Variants in SH3PXD2A observed in about 807,000 individuals in gnomAD.
SH3PXD2A encodes the protein SH3 and PX domains 2A, also known as SH3 and PX domain-containing protein 2A.
SH3PXD2A carries 32 observed loss-of-function variants against 115.2 expected under a neutral mutation model. The ratio of observed to expected loss-of-function variants is 0.28; its 90% CI spans 0.21 to 0.37. The LOEUF (loss-of-function observed/expected upper bound fraction) is 0.37. Ranked by LOEUF, SH3PXD2A falls within the 10% of genes least tolerant of loss-of-function variation. The pLI is 1.00. For synonymous variants in SH3PXD2A, 610 were observed against 629.1 expected (o/e 0.97, Z 0.45); for missense variants, 1,328 against 1,498.7 (o/e 0.89, Z 1.88).
intron 3 of SH3PXD2A, among the ~76,000 whole-genome samples, chr10:103,760,662 G>A (rs1293549330): frequency 6.6e-6 from 1 of 151,404 alleles, no homozygotes; most frequent in Non-Finnish European, 1.5e-5. Context: ...ATATGTATAT[G>A]TAACGAGGGA....
chr10:103,633,226 G>A (rs751952724), intron 8 of SH3PXD2A, among the ~76,000 whole-genome samples: 5 of 152,148 alleles, frequency 3.3e-5, no homozygotes, highest in Non-Finnish European at 5.9e-5. Context: ...GACCAGCCTG[G>A]CCAACACAGT....
At chr10:103,671,786 G>A (rs1280112112) in intron 6 of SH3PXD2A, among the ~76,000 whole-genome samples, 3 of 152,190 alleles carry the variant, frequency 2.0e-5, no homozygotes, top group Non-Finnish European at 4.4e-5. Context: ...GGCGGGGGGC[G>A]CAGCCAAGTG....
chr10:103,846,412 G>A (rs543378863), intron 1 of SH3PXD2A, among the ~76,000 whole-genome samples: 1 of 152,384 alleles, frequency 6.6e-6, no homozygotes, highest in African/African-American at 2.4e-5. Flanking sequence ...TCTTCACTAA[G>A]AGCCTAAGTA....
At chr10:103,753,014 T>C (rs2038596471) in intron 3 of SH3PXD2A, among the ~76,000 whole-genome samples, 1 of 152,086 alleles carries the variant, frequency 6.6e-6, no homozygotes, top group South Asian at 2.1e-4. Flanking sequence ...TTGATCAACC[T>C]CTAATATGTA....
chr10:103,850,739 C>G (rs1454293095), intron 1 of SH3PXD2A, among the ~76,000 whole-genome samples: 3 of 152,186 alleles, frequency 2.0e-5, no homozygotes, highest in Non-Finnish European at 4.4e-5. Flanking sequence ...ACCCACTTCC[C>G]CATCAGACTG....
chr10:103,842,755 C>T (rs1722578402), intron 1 of SH3PXD2A, among the ~76,000 whole-genome samples: 1 of 152,150 alleles, frequency 6.6e-6, no homozygotes, highest in African/African-American at 2.4e-5. Context: ...TGTTTCCTTT[C>T]CCACACCAGA....
At chr10:103,748,607 A>T (rs1458913870) in intron 3 of SH3PXD2A, among the ~76,000 whole-genome samples, 1 of 152,236 alleles carries the variant, frequency 6.6e-6, no homozygotes, top group Admixed American at 6.5e-5. Flanking sequence ...GGAGGGAGAC[A>T]GGGCTGAGGA....
At chr10:103,839,156 C>T (rs2039573489) in intron 1 of SH3PXD2A, among the ~76,000 whole-genome samples, 1 of 152,298 alleles carries the variant, frequency 6.6e-6, no homozygotes, top group Admixed American at 6.5e-5. Flanking sequence ...GAACCACTAG[C>T]AAGTAGAATA....
At chr10:103,758,735 C>A (rs538381079) in intron 3 of SH3PXD2A, among the ~76,000 whole-genome samples, 6 of 152,318 alleles carry the variant, frequency 3.9e-5, no homozygotes, top group African/African-American at 1.4e-4. Context: ...CAAGAGAAGA[C>A]AAAATACCTC....
chr10:103,834,467 G>A (rs531021401), intron 1 of SH3PXD2A, among the ~76,000 whole-genome samples: 2 of 152,202 alleles, frequency 1.3e-5, no homozygotes, highest in East Asian at 3.8e-4. Flanking sequence ...GGTTTCTTTG[G>A]TGGACATGAA....
At chr10:103,729,266 C>G (rs565137784) in intron 4 of SH3PXD2A, among the ~76,000 whole-genome samples, 45 of 152,330 alleles carry the variant, frequency 3.0e-4, no homozygotes, top group African/African-American at 1.0e-3. Flanking sequence ...CCTCCTGCCT[C>G]TAGCTTTACC....
intron 1 of SH3PXD2A, among the ~76,000 whole-genome samples, chr10:103,806,895 C>T (rs1327330441): frequency 5.9e-5 from 9 of 152,170 alleles, no homozygotes; most frequent in African/African-American, 1.9e-4. Context: ...GGAGTGGAAT[C>T]ATCACCACAG....
At chr10:103,673,063 C>T (rs375590647) in intron 6 of SH3PXD2A, 2 of 152,330 alleles carry the variant, frequency 1.3e-5, no homozygotes, top group African/African-American at 4.8e-5. Context: ...CTGCAGGTGC[C>T]CCTGACTTTA....
chr10:103,703,659 G>A (rs1411362331), intron 5 of SH3PXD2A, among the ~76,000 whole-genome samples: 4 of 152,206 alleles, frequency 2.6e-5, no homozygotes, highest in African/African-American at 9.6e-5. Context: ...TGTCCAGTAT[G>A]GTACCACTGG....
At chr10:103,841,378 C>A (rs1417828576) in intron 1 of SH3PXD2A, among the ~76,000 whole-genome samples, 1 of 152,170 alleles carries the variant, frequency 6.6e-6, no homozygotes, top group Non-Finnish European at 1.5e-5. Flanking sequence ...GCCAGTGAAG[C>A]TTCCTGGTGT....
chr10:103,744,540 C>T (rs2038479759), intron 3 of SH3PXD2A, among the ~76,000 whole-genome samples: 1 of 152,210 alleles, frequency 6.6e-6, no homozygotes. Context: ...ACCTCTTCCC[C>T]TGCTGGGCTG....
At position 103,599,229 on chromosome 10, in the gene SH3PXD2A, C is replaced by T. The variant is rs2036181007; in HGVS notation, c.*2587G>A. ...CTTTCAGTCCTGCATTTTAATGACT[C>T]TATTACTTACAGCACTGGGGGTCAA... On this transcript the variant is annotated 3_prime_UTR_variant, in exon 15 of 15. Transcript: ENST00000369774. 1 of 135,068 alleles carries T rather than the reference C, an allele frequency of 7.4e-6. No homozygotes were observed. The highest frequency in any genetic ancestry group is 2.9e-5 in the African/African-American group (1 of 35,052). 8.4% of individuals were successfully genotyped at this position (135,068 alleles called of 1,614,324 possible). A position where few individuals can be genotyped will look rare whatever the true frequency, so the allele number is the denominator to read the frequency against.
intron 1 of SH3PXD2A, among the ~76,000 whole-genome samples, chr10:103,802,869 G>A (rs1263321852): frequency 6.6e-6 from 1 of 152,170 alleles, no homozygotes; most frequent in Non-Finnish European, 1.5e-5. Flanking sequence ...ACTGTGTCCT[G>A]TAGGTCTGTA....
At chr10:103,834,328 AG>A (rs1193424020) in intron 1 of SH3PXD2A, among the ~76,000 whole-genome samples, 1 of 152,258 alleles carries the variant, frequency 6.6e-6, no homozygotes, top group Non-Finnish European at 1.5e-5. Flanking sequence ...GAAAGAAGCC[AG>A]TCACAAGAGA....
Sources: gnomAD v4.1 joint callset for allele counts (sites outside exome capture counted in the v4.1 genomes callset) on GRCh38, gnomAD v4.1.1 for gene constraint, MANE v1.5 for transcripts, NCBI Gene and HGNC (gene_info 2026-07-23, HGNC 2026-07-21) for gene names.